The following NR3C1 variants were observed in gnomAD, a reference collection of about 807,000 sequenced individuals.
The protein encoded by NR3C1 is nuclear receptor subfamily 3 group C member 1.
In NR3C1, 14 loss-of-function variants were observed where a neutral mutation model predicts 74.0. The observed-to-expected ratio is 0.19, with a 90% CI of 0.12 to 0.30. The LOEUF (loss-of-function observed/expected upper bound fraction) is 0.30. Among genes scored for constraint, NR3C1 ranks in the 10% least tolerant of loss-of-function variants. The probability of loss-of-function intolerance (pLI) is 1.00; values close to 1 mark genes in which losing one functional copy is unlikely to be tolerated. For synonymous variants in NR3C1, 308 were observed against 332.5 expected (o/e 0.93, Z 0.80); for missense variants, 695 against 909.8 (o/e 0.76, Z 3.04).
Position 143,281,756 on chromosome 5 carries a change from G to GT in NR3C1, c.*132dup. On this transcript the variant is annotated 3_prime_UTR_variant, in exon 9 of 9. Coordinates refer to ENST00000394464, the MANE Select transcript of NR3C1 (RefSeq NM_000176.3). Reference sequence around the variant, plus strand: ...GCCCTCTATAAACCACATGTAGTGCGTATTTAAAACAAAACAACAGATGAA... The same window carrying GT: ...GCCCTCTATAAACCACATGTAGTGCGTTATTTAAAACAAAACAACAGATGAA... The GT allele has an allele frequency of 1.0e-6, 1 of 959,050 alleles. No individual in the cohort carries two copies. Among genetic ancestry groups the GT allele is most frequent in the African/African-American group, 1.6e-5 (1 of 61,040 alleles). The allele number at this position is 959,050 out of a possible 1,614,324, so 59.4% of individuals were successfully genotyped here.
At chr5:143,340,307 T>C (rs1038069443) in intron 2 of NR3C1, among the ~76,000 whole-genome samples, 3 of 151,892 alleles carry the variant, frequency 2.0e-5, no homozygotes, top group Admixed American at 2.0e-4. Context: ...TATACCCAAA[T>C]TGATTTAATT....
chr5:143,421,862 T>C (rs1341456697), intron 1 of NR3C1, among the ~76,000 whole-genome samples: 1 of 152,200 alleles, frequency 6.6e-6, no homozygotes, highest in African/African-American at 2.4e-5. Context: ...TTACTTTTTA[T>C]TCTTACTTGC....
At chr5:143,282,780 T>TC in intron 7 of NR3C1, 55 bp from the exon 8 acceptor site, 2 of 1,366,390 alleles carry the variant, frequency 1.5e-6, no homozygotes, top group South Asian at 2.9e-5. Flanking sequence ...TTCTTTTCTT[T>TC]TTTTTTTTTT....
upstream of NR3C1, chr5:143,405,324 ACT>A (rs1841042314): frequency 1.0e-6 from 1 of 985,316 alleles, no homozygotes; most frequent in African/African-American, 1.7e-5. Context: ...GGCCACAGCC[ACT>A]CTCTCACCTC....
intron 2 of NR3C1, among the ~76,000 whole-genome samples, chr5:143,396,998 T>A (rs946730240): frequency 2.0e-5 from 3 of 151,898 alleles, no homozygotes; most frequent in African/African-American, 7.2e-5. Flanking sequence ...TTTGTTTTAC[T>A]TAAAGAATAG....
chr5:143,297,705 T>A (rs998483312), intron 6 of NR3C1, among the ~76,000 whole-genome samples: 1 of 152,214 alleles, frequency 6.6e-6, no homozygotes, highest in Non-Finnish European at 1.5e-5. Flanking sequence ...TACATTGTAC[T>A]AATAGCAATA....
chr5:143,424,974 AC>A (rs1349360611), intron 1 of NR3C1, among the ~76,000 whole-genome samples: 18 of 152,238 alleles, frequency 1.2e-4, no homozygotes, highest in Admixed American at 1.1e-3. Flanking sequence ...TCGAGGACTC[AC>A]AAAACGTACT....
intron 2 of NR3C1, among the ~76,000 whole-genome samples, chr5:143,396,302 A>G (rs1263226176): frequency 6.6e-6 from 1 of 151,844 alleles, no homozygotes; most frequent in Non-Finnish European, 1.5e-5. Context: ...AAAGCTAAAA[A>G]TAAGTGAAAA....
At position 143,400,955 on chromosome 5, in the gene NR3C1, T is replaced by G. The variant is rs1351764252; in HGVS notation, c.-13-103A>C. 3 of 856,256 alleles carry G rather than the reference T, an allele frequency of 3.5e-6. No homozygotes were observed. The East Asian group carries it at 7.9e-5, about 22-fold the overall frequency. 53.0% of individuals were successfully genotyped at this position (856,256 alleles called of 1,614,324 possible). ...AGAGGCAGCTTGTTAAATGAACCTT[T>G]TAGTTAACTCCGAATCAAATTCTTT... On this transcript the variant is annotated intron_variant, in intron 1 of 8. Transcript: ENST00000394464.
At position 143,300,663 on chromosome 5, in the gene NR3C1, T is replaced by C; in HGVS notation, c.1569A>G (p.Ala523=). 6.2e-7 allele frequency: 1 copy of C among 1,614,214 alleles called. No homozygotes were observed. The highest frequency in any genetic ancestry group is 8.5e-7 in the Non-Finnish European group (1 of 1,180,024). ...GGGTAGGGGTGAGTTGTGGTAACGT[T>C]GCAGGAACTATTGTTTTGTTACCAG... ...ENPGNKTIVP[A]TLPQLTPTLV... Residue 523 remains alanine, a synonymous_variant, in exon 5 of 9, where the codon GCA becomes GCG. Transcript: ENST00000394464. The surrounding 1 kb of genome is among the most constrained non-coding windows in gnomAD (Gnocchi z 5.2).
intron 2 of NR3C1, among the ~76,000 whole-genome samples, chr5:143,396,595 T>C (rs1839227122): frequency 6.6e-6 from 1 of 151,818 alleles, no homozygotes; most frequent in African/African-American, 2.4e-5. Context: ...AGGTCTTCAA[T>C]TTCATTACTT....
chr5:143,332,829 C>T (rs1408141377), intron 2 of NR3C1: 12 of 1,470,042 alleles, frequency 8.2e-6, no homozygotes, highest in South Asian at 4.5e-5. Flanking sequence ...TGCAAGACTT[C>T]GCCTAAAGAA....
At chr5:143,393,525 T>C (rs1483810648) in intron 2 of NR3C1, among the ~76,000 whole-genome samples, 1 of 152,058 alleles carries the variant, frequency 6.6e-6, no homozygotes, top group African/African-American at 2.4e-5. Flanking sequence ...CTAAATCAAA[T>C]TCTTTGGAAG....
chr5:143,346,358 C>T (rs1404616591), intron 2 of NR3C1, among the ~76,000 whole-genome samples: 1 of 152,186 alleles, frequency 6.6e-6, no homozygotes, highest in African/African-American at 2.4e-5. Context: ...GGATCTCAAA[C>T]CTTCAGTCCA....
intron 2 of NR3C1, among the ~76,000 whole-genome samples, chr5:143,315,934 T>A (rs1821984371): frequency 6.6e-6 from 1 of 152,208 alleles, no homozygotes; most frequent in African/African-American, 2.4e-5. Flanking sequence ...TAGGACAGCA[T>A]TCCCACCACC....
chr5:143,393,836 G>A (rs990603920), intron 2 of NR3C1, among the ~76,000 whole-genome samples: 2 of 151,892 alleles, frequency 1.3e-5, no homozygotes, highest in Non-Finnish European at 2.9e-5. Flanking sequence ...TAAATATTAT[G>A]GACAGTTATG....
intron 1 of NR3C1, among the ~76,000 whole-genome samples, chr5:143,426,714 G>A (rs576719080): frequency 4.6e-5 from 7 of 152,228 alleles, no homozygotes; most frequent in East Asian, 3.9e-4. Flanking sequence ...AAAACGTTAC[G>A]GTACAAAAAT....
At position 143,280,701 on chromosome 5, in the gene NR3C1, T is replaced by G. The variant is rs2151468625; in HGVS notation, c.*1188A>C. On this transcript the variant is annotated 3_prime_UTR_variant, in exon 9 of 9. Coordinates refer to ENST00000394464, the MANE Select transcript of NR3C1 (RefSeq NM_000176.3). ...GCTTTCCTGTACCATCAGGAAAGAT[T>G]AACCAATTGGTGACAGATGGGAATG... The G allele has an allele frequency of 6.6e-6, 1 of 152,656 alleles. No homozygotes were observed. Among genetic ancestry groups the G allele is most frequent in the South Asian group, 2.1e-4 (1 of 4,820 alleles). 9.5% of individuals were successfully genotyped at this position (152,656 alleles called of 1,614,324 possible).
chr5:143,395,144 G>A (rs1182469723), intron 2 of NR3C1, among the ~76,000 whole-genome samples: 1 of 151,916 alleles, frequency 6.6e-6, no homozygotes, highest in African/African-American at 2.4e-5. Flanking sequence ...ATCTAGTTTA[G>A]CATAGAAATG....
Sources: gnomAD v4.1 joint callset for allele counts (sites outside exome capture counted in the v4.1 genomes callset) on GRCh38, gnomAD v4.1.1 for gene constraint, Gnocchi (gnomAD v3.1) non-coding constraint, MANE v1.5 for transcripts, NCBI Gene and HGNC (gene_info 2026-07-23, HGNC 2026-07-21) for gene names.